Variants in TET3 observed in about 807,000 individuals in gnomAD.
The protein encoded by TET3 is methylcytosine dioxygenase TET3.
TET3 carries 19 observed loss-of-function variants against 141.4 expected under a neutral mutation model. That is an observed-to-expected ratio of 0.13 (90% CI 0.09 to 0.20). TET3 has a LOEUF of 0.20. Among genes scored for constraint, TET3 ranks in the 10% least tolerant of loss-of-function variants. TET3 has a pLI of 1.00. For missense variants in TET3, 1,874 were observed against 2,356.9 expected, an observed-to-expected ratio of 0.80 and a Z score of 4.24; for synonymous variants, 1,043 against 980.9, an observed-to-expected ratio of 1.06 and a Z score of -1.18.
chr2:74,031,482 C>T (rs185811011), intron 3 of TET3, among the ~76,000 whole-genome samples: 77 of 152,302 alleles, frequency 5.1e-4, no homozygotes, highest in African/African-American at 1.6e-3. Flanking sequence ...TGGCATCTTT[C>T]AGTTATCTGG....
chr2:74,089,253 G>A (rs1690340371), intron 7 of TET3, among the ~76,000 whole-genome samples: 1 of 152,184 alleles, frequency 6.6e-6, no homozygotes, highest in African/African-American at 2.4e-5. Context: ...GGATCATACA[G>A]GGTGTAGCTT....
rs1164798884 is a variant in TET3 at position 74,101,798 on chromosome 2, G to A, written c.5010G>A (p.Arg1670=). The change falls in exon 12 of 12, where the codon CGG becomes CGA. Residue 1670 remains arginine (R), a synonymous_variant. Transcript: ENST00000409262. This position sits in a 1 kb window ranked among gnomAD's most constrained non-coding sequence, Gnocchi z 8.5. ...CCATCCTCATCGAGTGTGCCCGGCG[G>A]GAGCTGCACGCCACCACGCCGCTTA... ...HGSILIECAR[R]ELHATTPLKK... The A allele has an allele frequency of 6.2e-7, 1 of 1,612,996 alleles. No homozygotes were observed. Among genetic ancestry groups the A allele is most frequent in the Non-Finnish European group, 8.5e-7 (1 of 1,179,830 alleles).
chr2:74,074,543 CTA>C (rs1436175399), intron 5 of TET3, among the ~76,000 whole-genome samples: 1 of 152,222 alleles, frequency 6.6e-6, no homozygotes, highest in East Asian at 1.9e-4. Context: ...AGTAAACACT[CTA>C]AGTTCGAGTC....
chr2:74,121,345 T>C, the TET3 span: 1 of 152,090 alleles, frequency 6.6e-6, no homozygotes, highest in African/African-American at 2.4e-5. Context: ...AGAGAATCAG[T>C]GAAGACATAT....
At chr2:74,115,110 A>G in the TET3 span, among the ~76,000 whole-genome samples, 1 of 152,152 alleles carries the variant, frequency 6.6e-6, no homozygotes, top group Non-Finnish European at 1.5e-5. Context: ...AACTGAGATT[A>G]TATCATACTA....
At chr2:74,108,336 G>A (rs1446579256), downstream of TET3, among the ~76,000 whole-genome samples, 1 of 152,198 alleles carries the variant, frequency 6.6e-6, no homozygotes, top group African/African-American at 2.4e-5. Flanking sequence ...CTGCCACCTG[G>A]ATAAAGGAAT....
Position 74,100,881 on chromosome 2 carries a change from A to G in TET3, c.4093A>G (p.Lys1365Glu). 1 of 1,610,668 alleles carries G rather than the reference A, an allele frequency of 6.2e-7. No homozygotes were observed. Among genetic ancestry groups the G allele is most frequent in the Non-Finnish European group, 8.5e-7 (1 of 1,178,602 alleles). Residue 1365 changes from lysine to glutamate, a missense_variant, in exon 12 of 12, where the codon AAG becomes GAG. Around this residue, in one of 10 missense-constraint regions of TET3, gnomAD observed 602 missense variants for 590.2 expected, o/e 1.02. Transcript: ENST00000409262. ...CCAGCAGCCTGCGTACCCAGGCCCCAAGGAGTATCTGCTTCCCAAGGCCCC... is the reference window on the plus strand; with the variant it reads ...CCAGCAGCCTGCGTACCCAGGCCCCGAGGAGTATCTGCTTCCCAAGGCCCC... ...HHQQPAYPGP[K>E]EYLLPKAPLL...
intron 4 of TET3, 27 bp downstream of exon 4, chr2:74,048,438 G>A: frequency 6.3e-7 from 1 of 1,574,886 alleles, no homozygotes. Context: ...ATCAGGGAAG[G>A]GCAGAGAAAG....
chr2:74,102,333 C>CT lies in TET3; in HGVS notation c.*157_*158insT, dbSNP rs989246598. ...ATATCATATATATGTATTTATGGTC[C>CT]AAACCTCAGAACTGACCCGCCCCTC... is the stretch of plus-strand genomic sequence containing the variant. On this transcript the variant is annotated 3_prime_UTR_variant, in exon 12 of 12. Transcript: ENST00000409262. 1.2e-4 allele frequency: 135 copies of CT among 1,173,172 alleles called. No individual in the cohort carries two copies. The highest frequency in any genetic ancestry group is 1.4e-4 in the Non-Finnish European group (128 of 931,376). 72.7% of individuals were successfully genotyped at this position (1,173,172 alleles called of 1,614,324 possible).
intron 2 of TET3, among the ~76,000 whole-genome samples, chr2:73,998,800 T>G (rs1179840173): frequency 6.6e-6 from 1 of 150,530 alleles, no homozygotes. Context: ...GGGTGTTGGG[T>G]TTTTTTTTGG....
At chr2:74,010,201 ACACCCTGG>A (rs1290319613) in intron 3 of TET3, among the ~76,000 whole-genome samples, 1 of 152,200 alleles carries the variant, frequency 6.6e-6, no homozygotes, top group African/African-American at 2.4e-5. Flanking sequence ...AGCAGTCTAA[ACACCCTGG>A]CTAGGAGCCA....
chr2:74,079,884 C>A (rs1314366565), intron 5 of TET3, among the ~76,000 whole-genome samples: 2 of 152,116 alleles, frequency 1.3e-5, no homozygotes, highest in East Asian at 3.9e-4. Context: ...ATTAGACAGT[C>A]CTAGAGAGCT....
At position 74,093,033 on chromosome 2, in the gene TET3, C is replaced by A; in HGVS notation, c.3129+42C>A. 2.0e-6 allele frequency: 3 copies of A among 1,519,802 alleles called. No individual in the cohort carries two copies. The highest frequency in any genetic ancestry group is 2.7e-6 in the Non-Finnish European group (3 of 1,117,948). The allele number at this position is 1,519,802 out of a possible 1,614,324, so 94.1% of individuals were successfully genotyped here. On this transcript the variant is annotated intron_variant, in intron 9 of 11. Transcript: ENST00000409262. This position sits in a 1 kb window ranked among gnomAD's most constrained non-coding sequence, Gnocchi z 4.2. ...CTTTTGCTGCCCACATGTCACCGTC[C>A]ACATCTCTGCTCAGGCTCTGAAGGT... is the stretch of plus-strand genomic sequence containing the variant.
At chr2:74,037,006 TC>T (rs1573753949) in intron 3 of TET3, among the ~76,000 whole-genome samples, 2 of 152,234 alleles carry the variant, frequency 1.3e-5, no homozygotes, top group East Asian at 3.9e-4. Context: ...AACAACTGCC[TC>T]CCCCTCCCCC....
intron 3 of TET3, among the ~76,000 whole-genome samples, chr2:74,029,893 A>G (rs1686579565): frequency 6.6e-6 from 1 of 152,198 alleles, no homozygotes; most frequent in Admixed American, 6.5e-5. Flanking sequence ...TGTTAATATC[A>G]GTTTTCATTG....
chr2:74,051,836 A>G (rs531735056), intron 4 of TET3, among the ~76,000 whole-genome samples: 1 of 152,210 alleles, frequency 6.6e-6, no homozygotes, highest in Non-Finnish European at 1.5e-5. Flanking sequence ...CTTAACCACC[A>G]TGTCATATTG....
At chr2:74,076,700 T>C (rs912177922) in intron 5 of TET3, among the ~76,000 whole-genome samples, 12 of 150,672 alleles carry the variant, frequency 8.0e-5, no homozygotes, top group Non-Finnish European at 1.5e-4. Flanking sequence ...ACGAGGGGAG[T>C]AATGAGTGAT....
chr2:73,987,998 C>G (rs572406270), intron 2 of TET3, among the ~76,000 whole-genome samples: 282 of 152,334 alleles, frequency 1.9e-3, no homozygotes, highest in Non-Finnish European at 2.7e-3. Context: ...CTCACCTTGT[C>G]TTGTCCGTGC....
the TET3 span, among the ~76,000 whole-genome samples, chr2:74,119,926 C>T: frequency 2.6e-5 from 4 of 152,180 alleles, no homozygotes; most frequent in Non-Finnish European, 5.9e-5. Flanking sequence ...TCAAATTATA[C>T]AAAATTCAAC....
Sources: allele counts gnomAD v4.1 joint callset (sites outside exome capture counted in the v4.1 genomes callset), GRCh38; gene constraint gnomAD v4.1.1; regional missense constraint gnomAD v4.1.1; non-coding constraint Gnocchi (gnomAD v3.1); transcripts MANE v1.5; gene names NCBI Gene and HGNC (gene_info 2026-07-23, HGNC 2026-07-21).